DEDD: variants seen among roughly 807,000 people sequenced by gnomAD.
DEDD encodes death effector domain-containing protein.
Under a neutral mutation model 29.2 loss-of-function variants are expected in DEDD, and 3 were observed. That is an observed-to-expected ratio of 0.10 (90% CI 0.05 to 0.27). The LOEUF is 0.27. Ranked by LOEUF, DEDD falls within the 10% of genes least tolerant of loss-of-function variation. DEDD has a pLI of 1.00. For synonymous variants in DEDD, 152 were observed against 161.3 expected, an observed-to-expected ratio of 0.94 and a Z score of 0.44; for missense variants, 261 against 420.5, an observed-to-expected ratio of 0.62 and a Z score of 3.32.
intron 1 of DEDD, 117 bp from the exon 2 acceptor site, chr1:161,130,964 CA>C (rs1232585262): frequency 6.6e-6 from 1 of 152,136 alleles, no homozygotes; most frequent in African/African-American, 2.4e-5. Flanking sequence ...AATCTCGTTG[CA>C]AAAGTACACA....
chr1:161,126,054 ACT>A (rs1484859121), intron 2 of DEDD, among the ~76,000 whole-genome samples: 1 of 152,078 alleles, frequency 6.6e-6, no homozygotes, highest in Non-Finnish European at 1.5e-5. Flanking sequence ...CTCTGGTCAC[ACT>A]CTCCAATCAC....
At chr1:161,126,472 T>C (rs1486493525) in intron 2 of DEDD, among the ~76,000 whole-genome samples, 2 of 151,250 alleles carry the variant, frequency 1.3e-5, no homozygotes, top group African/African-American at 4.9e-5. Flanking sequence ...GCTTCCCGAG[T>C]AGCTGGGACT....
At position 161,124,459 on chromosome 1, in the gene DEDD, C is replaced by T; in HGVS notation, c.4G>A (p.Ala2Thr). The change falls in exon 3 of 6, where the codon GCG becomes ACG. Residue 2 changes from alanine to threonine, a missense_variant. Physicochemically the swap from Ala to Thr is moderately conservative, Grantham distance 58. Around this residue, in one of 2 missense-constraint regions of DEDD, gnomAD observed 203 missense variants for 268.7 expected, o/e 0.76. Transcript: ENST00000368006. Reference protein sequence around the residue: MAGLKRRASQVW... With the variant: MTGLKRRASQVW... The stretch of plus-strand genomic sequence containing the variant: ...TGGCTTGCCCGCCGCTTTAGGCCCG[C>T]CATGCTGGGGGCTCAGGTACGCAAT... 1 of 1,600,044 alleles carries T rather than the reference C, an allele frequency of 6.2e-7. No individual in the cohort carries two copies. The highest frequency in any genetic ancestry group is 8.6e-7 in the Non-Finnish European group (1 of 1,169,264).
intron 4 of DEDD, 40 bp downstream of exon 4, chr1:161,123,799 A>C: frequency 6.5e-7 from 1 of 1,545,736 alleles, no homozygotes; most frequent in South Asian, 1.1e-5. Context: ...GTGTCCTTTT[A>C]CTTGATGATG....
In DEDD at chr1:161,123,154, G is replaced by A. The variant is rs1240840348; in HGVS notation, c.501C>T (p.Ala167=). 22 of 1,614,204 alleles carry A rather than the reference G, an allele frequency of 1.4e-5. No individual in the cohort carries two copies. The highest frequency in any genetic ancestry group is 1.7e-5 in the Admixed American group (1 of 60,026). The change falls in exon 5 of 6, where the codon GCC becomes GCT. Residue 167 remains alanine (A), a synonymous_variant. Transcript: ENST00000368006. ...SGPQMCSKRP[A]RGRATLGSQR... is the part of the protein sequence containing the mutation. Reference sequence around the variant, plus strand: ...GGCTCCCAAGTGTGGCTCTCCCTCGGGCTGGCCGCTTGCTACACATCTGAG... The same window carrying A: ...GGCTCCCAAGTGTGGCTCTCCCTCGAGCTGGCCGCTTGCTACACATCTGAG...
chr1:161,125,968 C>T (rs898292998), intron 2 of DEDD, among the ~76,000 whole-genome samples: 2 of 152,202 alleles, frequency 1.3e-5, no homozygotes, highest in African/African-American at 4.8e-5. Flanking sequence ...TTAATCAATT[C>T]CCAAATTCAA....
At chr1:161,123,488 TA>T (rs1336914208) in intron 4 of DEDD, among the ~76,000 whole-genome samples, 1 of 151,900 alleles carries the variant, frequency 6.6e-6, no homozygotes, top group Admixed American at 6.6e-5. Flanking sequence ...TACAAAAAAT[TA>T]GCTGGGCGTG....
At position 161,122,882 on chromosome 1, in the gene DEDD, C is replaced by T. The variant is rs1655678103; in HGVS notation, c.580+193G>A. ...ATCCCTGTGATGTAGTATTAACTAA[C>T]AAGAGTTGAAATGTACCCTGCCACA... On this transcript the variant is annotated intron_variant, in intron 5 of 5. Transcript: ENST00000368006. This position sits in a 1 kb window ranked among gnomAD's most constrained non-coding sequence, Gnocchi z 4.2. 7 of 1,024,500 alleles carry T rather than the reference C, an allele frequency of 6.8e-6. No individual in the cohort carries two copies. The South Asian group carries it at 8.6e-5, about 13-fold the overall frequency. The allele number at this position is 1,024,500 out of a possible 1,614,324, so 63.5% of individuals were successfully genotyped here.
chr1:161,124,713 G>T, intron 2 of DEDD, 187 bp from the exon 3 acceptor site: 1 of 716,850 alleles, frequency 1.4e-6, no homozygotes, highest in Non-Finnish European at 2.0e-6. Flanking sequence ...TGTAATCCCA[G>T]CATTTTGGGA....
Position 161,122,053 on chromosome 1 carries a change from G to T in DEDD, c.*94C>A. 5.7e-6 allele frequency: 8 copies of T among 1,391,530 alleles called. No individual in the cohort carries two copies. Among genetic ancestry groups the T allele is most frequent in the South Asian group, 1.5e-5 (1 of 67,952 alleles). The allele number at this position is 1,391,530 out of a possible 1,614,324, so 86.2% of individuals were successfully genotyped here. A position where few individuals can be genotyped will look rare whatever the true frequency, so the allele number is the denominator to read the frequency against. On this transcript the variant is annotated 3_prime_UTR_variant, in exon 6 of 6. Transcript: ENST00000368006. This position sits in a 1 kb window ranked among gnomAD's most constrained non-coding sequence, Gnocchi z 4.2. ...AAAAAAAAAAAAAAGGCAGGGGTGT[G>T]ATTGGTTGGAAGGGTAGAGAACAAA...
At chr1:161,126,490 C>T (rs1656186252) in intron 2 of DEDD, among the ~76,000 whole-genome samples, 1 of 151,924 alleles carries the variant, frequency 6.6e-6, no homozygotes, top group African/African-American at 2.4e-5. Context: ...ACTACAGGCA[C>T]CCACCACCAC....
chr1:161,132,649 C>T lies in DEDD; in HGVS notation c.-196G>A. The T allele has an allele frequency of 6.0e-6, 1 of 167,316 alleles. No homozygotes were observed. The highest frequency in any genetic ancestry group is 1.2e-5 in the Non-Finnish European group (1 of 80,054). 10.4% of individuals were successfully genotyped at this position (167,316 alleles called of 1,614,324 possible). ...ATCCGGGCTCCAGCAGCCGCCGCCGCCGCCGCCGCCGCGGCCGTGGGGGAG... is the reference window on the plus strand; with the variant it reads ...ATCCGGGCTCCAGCAGCCGCCGCCGTCGCCGCCGCCGCGGCCGTGGGGGAG... On this transcript the variant is annotated 5_prime_UTR_variant, in exon 1 of 6. Transcript: ENST00000368006.
chr1:161,130,044 C>T (rs556152100), intron 2 of DEDD, among the ~76,000 whole-genome samples: 2 of 152,328 alleles, frequency 1.3e-5, no homozygotes, highest in South Asian at 4.1e-4. Context: ...AGTCTGGTCT[C>T]ATCCCAACCA....
Position 161,121,040 on chromosome 1 carries a change from CA to C in DEDD, c.*1106del. The stretch of plus-strand genomic sequence containing the variant: ...TCTGCTGAGGGCTGAGCAGCACTGG[CA>C]TTGAAAAATATAATAATCATAAAGT... On this transcript the variant is annotated 3_prime_UTR_variant, in exon 6 of 6. Coordinates refer to ENST00000368006, the MANE Select transcript of DEDD (RefSeq NM_032998.3). 1 of 1,307,038 alleles carries C rather than the reference CA, an allele frequency of 7.7e-7. No homozygotes were observed. The highest frequency in any genetic ancestry group is 9.8e-7 in the Non-Finnish European group (1 of 1,024,242). The allele number at this position is 1,307,038 out of a possible 1,614,324, so 81.0% of individuals were successfully genotyped here. A position where few individuals can be genotyped will look rare whatever the true frequency, so the allele number is the denominator to read the frequency against.
chr1:161,129,916 T>C (rs568022834), intron 2 of DEDD, among the ~76,000 whole-genome samples: 1 of 152,346 alleles, frequency 6.6e-6, no homozygotes, highest in South Asian at 2.1e-4. Context: ...TTGTATTTCC[T>C]GGAGTTTTGC....
At chr1:161,123,531 G>A (rs533202417) in intron 4 of DEDD, among the ~76,000 whole-genome samples, 3 of 152,022 alleles carry the variant, frequency 2.0e-5, no homozygotes, top group South Asian at 2.1e-4. Flanking sequence ...AGCTACTCAG[G>A]AGGCTGAGGC....
chr1:161,123,707 A>ATTTT, intron 4 of DEDD, 132 bp downstream of exon 4: 2 of 632,798 alleles, frequency 3.2e-6, no homozygotes, highest in South Asian at 2.3e-5. Flanking sequence ...ACCTCGCCTG[A>ATTTT]TTTTTTTTTT....
At chr1:161,123,425 G>A (rs954146600) in intron 4 of DEDD, among the ~76,000 whole-genome samples, 1 of 152,130 alleles carries the variant, frequency 6.6e-6, no homozygotes, top group Admixed American at 6.5e-5. Flanking sequence ...GGATCATGAG[G>A]TCAGGAGATC....
intron 4 of DEDD, 85 bp downstream of exon 4, chr1:161,123,754 T>C: frequency 7.9e-7 from 1 of 1,261,764 alleles, no homozygotes; most frequent in South Asian, 1.4e-5. Flanking sequence ...CATCCTTTCA[T>C]TTAAGCTGGC....
Sources: gnomAD v4.1 joint callset for allele counts (sites outside exome capture counted in the v4.1 genomes callset) on GRCh38, gnomAD v4.1.1 for gene constraint, gnomAD v4.1.1 regional missense constraint, Gnocchi (gnomAD v3.1) non-coding constraint, MANE v1.5 for transcripts, NCBI Gene and HGNC (gene_info 2026-07-23, HGNC 2026-07-21) for gene names.